The following ERICH1 variants were observed in gnomAD, a reference collection of about 807,000 sequenced individuals.
The protein encoded by ERICH1 is glutamate-rich protein 1.
Under a neutral mutation model 39.6 loss-of-function variants are expected in ERICH1, and 56 were observed. That is an observed-to-expected ratio of 1.41 (90% CI 1.14 to 1.77). The LOEUF is 1.77. ERICH1 is among the 40% of genes most tolerant of loss of function. The pLI is 0.00. For missense variants in ERICH1, 826 were observed against 575.4 expected (o/e 1.44, Z -4.45); for synonymous variants, 313 against 223.6 (o/e 1.40, Z -3.57).
Position 714,959 on chromosome 8 carries a change from G to T in ERICH1, c.169+902C>A, listed in dbSNP as rs554100979. On this transcript the variant is annotated intron_variant, in intron 2 of 5. Coordinates refer to ENST00000262109, the MANE Select transcript of ERICH1 (RefSeq NM_207332.3). The stretch of plus-strand genomic sequence containing the variant: ...CTCCACCCAGGTGTTCTCTTCCCAC[G>T]TCTCTCAGTTGGATGTGCTGCGCAC... Among the ~76,000 whole-genome samples, 355 of 151,618 alleles carry T rather than the reference G, an allele frequency of 2.3e-3. 7 individuals are homozygous for T. The highest frequency in any genetic ancestry group is 2.8e-4 in the Non-Finnish European group (19 of 67,956).
At chr8:704,384 A>G (rs1305900864) in intron 2 of ERICH1, among the ~76,000 whole-genome samples, 3 of 152,180 alleles carry the variant, frequency 2.0e-5, no homozygotes, top group African/African-American at 7.2e-5. Context: ...ACGGAAGATG[A>G]AGCTCATTGA....
chr8:701,286 C>T (rs954729948), intron 2 of ERICH1, among the ~76,000 whole-genome samples: 3 of 146,738 alleles, frequency 2.0e-5, no homozygotes, highest in Non-Finnish European at 3.0e-5. Context: ...GGGTCTGCCC[C>T]GCCGGACGGG....
chr8:708,489 C>T (rs1813812590), intron 2 of ERICH1, among the ~76,000 whole-genome samples: 1 of 151,936 alleles, frequency 6.6e-6, no homozygotes, highest in Admixed American at 6.5e-5. Context: ...TAGTTCTGAC[C>T]CATGCTACAA....
At chr8:625,829 GTTCT>G (rs1460358144) in intron 3 of ERICH1, 1 of 152,178 alleles carries the variant, frequency 6.6e-6, no homozygotes, top group Non-Finnish European at 1.5e-5. Context: ...GCGCAGTCAT[GTTCT>G]TTGTTACGCA....
chr8:689,108 A>G (rs952068161), intron 3 of ERICH1, among the ~76,000 whole-genome samples: 3 of 137,898 alleles, frequency 2.2e-5, no homozygotes, highest in Admixed American at 1.5e-4. Context: ...GAGCTCACGT[A>G]TGATCTTTTT....
Position 664,475 on chromosome 8 carries a change from A to C in ERICH1, c.*128T>G. ...GATGGCATCTTGCCCACCAGGAACA[A>C]ACACGTGAATAAATAATATGGCATA... On this transcript the variant is annotated 3_prime_UTR_variant, in exon 6 of 6. Coordinates refer to ENST00000262109, the MANE Select transcript of ERICH1 (RefSeq NM_207332.3). The C allele has an allele frequency of 7.7e-7, 1 of 1,304,846 alleles. No individual in the cohort carries two copies. The highest frequency in any genetic ancestry group is 9.8e-7 in the Non-Finnish European group (1 of 1,023,188). The allele number at this position is 1,304,846 out of a possible 1,614,324, so 80.8% of individuals were successfully genotyped here.
At position 688,101 on chromosome 8, in the gene ERICH1, A is replaced by G. The variant is rs1807917602; in HGVS notation, c.304+4377T>C. Among the ~76,000 whole-genome samples the G allele has an allele frequency of 4.6e-5, 7 of 152,156 alleles. No homozygotes were observed. In the South Asian group the frequency reaches 1.5e-3, roughly 32 times the overall value. On this transcript the variant is annotated intron_variant, in intron 3 of 5. Coordinates refer to ENST00000262109, the MANE Select transcript of ERICH1 (RefSeq NM_207332.3). ...GCACCCAATGCAGTTCCCGGCTGCA[A>G]AAACACGGGAGACAGGAGAGGAGGG...
chr8:644,407 T>A (rs1283069630), intron 3 of ERICH1, among the ~76,000 whole-genome samples: 1 of 15,146 alleles, frequency 6.6e-5, no homozygotes, highest in African/African-American at 1.1e-4. Context: ...GGAAGATTCT[T>A]TAGTGAGATT....
intron 2 of ERICH1, among the ~76,000 whole-genome samples, chr8:695,888 TC>T (rs1810127098): frequency 9.4e-6 from 1 of 106,222 alleles, no homozygotes. Flanking sequence ...CTCCTCTCCT[TC>T]CTCCCCATCA....
In ERICH1 at chr8:646,678, C is replaced by A. The variant is rs1380237560; in HGVS notation, c.976+21920G>T. On this transcript the variant is annotated intron_variant, in intron 3 of 3. Coordinates refer to the ERICH1 transcript ENST00000522706. Reference sequence around the variant, plus strand: ...CGCAGCCCCACTCTGAGGGCCACATCCACTTGGAGGTGCATCAGAGCCCCG... The same window carrying A: ...CGCAGCCCCACTCTGAGGGCCACATACACTTGGAGGTGCATCAGAGCCCCG... Among the ~76,000 whole-genome samples the A allele has an allele frequency of 2.9e-4, 20 of 68,958 alleles. 8 individuals are homozygous for A. Among genetic ancestry groups the A allele is most frequent in the African/African-American group, 7.3e-4 (20 of 27,490 alleles). 45.2% of individuals were successfully genotyped at this position (68,958 alleles called of 152,430 possible). A position where few individuals can be genotyped will look rare whatever the true frequency, so the allele number is the denominator to read the frequency against.
chr8:620,819 T>C (rs938826068), intron 3 of ERICH1, among the ~76,000 whole-genome samples: 1 of 152,170 alleles, frequency 6.6e-6, no homozygotes, highest in African/African-American at 2.4e-5. Flanking sequence ...AAGTAGACAA[T>C]TTAACAATGG....
At chr8:617,904 G>A (rs1428671783) in intron 3 of ERICH1, among the ~76,000 whole-genome samples, 1 of 141,156 alleles carries the variant, frequency 7.1e-6, no homozygotes, top group Admixed American at 7.1e-5. Context: ...CTCGGTACTT[G>A]GTCCATCTCA....
At chr8:716,601 T>C (rs918630678) in intron 1 of ERICH1, among the ~76,000 whole-genome samples, 4 of 152,256 alleles carry the variant, frequency 2.6e-5, no homozygotes, top group East Asian at 1.9e-4. Context: ...TTTACTTTGC[T>C]TGTTTTAGTT....
At chr8:726,837 C>A (rs1818840924) in intron 1 of ERICH1, among the ~76,000 whole-genome samples, 1 of 151,704 alleles carries the variant, frequency 6.6e-6, no homozygotes, top group Non-Finnish European at 1.5e-5. Context: ...GACACAGACA[C>A]CACACAGGCA....
chr8:639,576 G>C (rs1563177683), intron 3 of ERICH1, among the ~76,000 whole-genome samples: 2 of 151,464 alleles, frequency 1.3e-5, no homozygotes, highest in African/African-American at 2.4e-5. Flanking sequence ...CGCCAACCCA[G>C]TTAGCAGACA....
At chr8:700,208 G>C (rs1202570347) in intron 2 of ERICH1, among the ~76,000 whole-genome samples, 9 of 77,528 alleles carry the variant, frequency 1.2e-4, no homozygotes, top group Non-Finnish European at 1.5e-4. Flanking sequence ...GGCCGGCACA[G>C]GCGCACACAC....
chr8:688,590 G>A (rs1808191780), intron 3 of ERICH1, among the ~76,000 whole-genome samples: 1 of 152,114 alleles, frequency 6.6e-6, no homozygotes, highest in Admixed American at 6.5e-5. Context: ...GAATTACTTG[G>A]TAAACCCTGA....
intron 3 of ERICH1, among the ~76,000 whole-genome samples, chr8:631,198 C>A (rs1173108889): frequency 6.6e-6 from 1 of 152,258 alleles, no homozygotes; most frequent in Non-Finnish European, 1.5e-5. Context: ...GGGAGGAGAA[C>A]AGGGGTGCCT....
chr8:642,198 G>C (rs959925226), intron 3 of ERICH1, among the ~76,000 whole-genome samples: 1 of 152,196 alleles, frequency 6.6e-6, no homozygotes, highest in Admixed American at 6.5e-5. Context: ...GACTGGCCCA[G>C]GTGGCAGAGG....
Sources: gnomAD v4.1 joint callset for allele counts (sites outside exome capture counted in the v4.1 genomes callset) on GRCh38, gnomAD v4.1.1 for gene constraint, MANE v1.5 for transcripts, NCBI Gene and HGNC (gene_info 2026-07-23, HGNC 2026-07-21) for gene names.